LTBP1: variants seen among roughly 807,000 people sequenced by gnomAD.
LTBP1 encodes the protein latent-transforming growth factor beta-binding protein 1.
LTBP1 carries 129 observed loss-of-function variants against 207.6 expected under a neutral mutation model. That is an observed-to-expected ratio of 0.62 (90% CI 0.54 to 0.72). LTBP1 has a LOEUF of 0.72. Among genes scored for constraint, LTBP1 ranks in the 30% least tolerant of loss-of-function variants. The probability of loss-of-function intolerance (pLI) is 0.00; values close to 1 mark genes in which losing one functional copy is unlikely to be tolerated. For synonymous variants in LTBP1, 963 were observed against 833.7 expected, an observed-to-expected ratio of 1.16 and a Z score of -2.67; for missense variants, 2,281 against 2,217.2, an observed-to-expected ratio of 1.03 and a Z score of -0.58.
In LTBP1 at chr2:33,000,306, A is replaced by T. The variant is rs569106074; in HGVS notation, c.566-20603A>T. Among the ~76,000 whole-genome samples, 15 of 134,604 alleles carry T rather than the reference A, an allele frequency of 1.1e-4. 4 individuals are homozygous for T. Among genetic ancestry groups the T allele is most frequent in the African/African-American group, 2.3e-4 (9 of 38,636 alleles). 88.3% of individuals were successfully genotyped at this position (134,604 alleles called of 152,430 possible). A position where few individuals can be genotyped will look rare whatever the true frequency, so the allele number is the denominator to read the frequency against. On this transcript the variant is annotated intron_variant, in intron 2 of 33. Transcript: ENST00000404816. ...TTAAGCCTACCCTTAGAATGACCCT[A>T]TATGGCAGATGCACCTGAATGTGTA...
rs146020065 is a variant in LTBP1 at position 33,252,786 on chromosome 2, T to C, written c.2109T>C (p.Cys703=). The C allele has an allele frequency of 1.8e-5, 29 of 1,613,640 alleles. No homozygotes were observed. Among genetic ancestry groups the C allele is most frequent in the Non-Finnish European group, 2.1e-5 (25 of 1,179,766 alleles). ...TTCACCTCACCAAGCAGCTCTGCTGTTGTAGTGTGGGCAAGGCCTGGGGCC... is the reference window on the plus strand; with the variant it reads ...TTCACCTCACCAAGCAGCTCTGCTGCTGTAGTGTGGGCAAGGCCTGGGGCC... ...LSVHLTKQLC[C]CSVGKAWGPH... is the part of the protein sequence containing the mutation. Residue 703 remains cysteine, a synonymous_variant, in exon 11 of 34, where the codon TGT becomes TGC. Transcript: ENST00000404816.
chr2:33,076,693 C>T (rs759894618), intron 3 of LTBP1, among the ~76,000 whole-genome samples: 4 of 152,024 alleles, frequency 2.6e-5, no homozygotes, highest in East Asian at 1.9e-4. Context: ...CGCACCACCA[C>T]GCCGAGCTAG....
chr2:33,361,123 A>C (rs983646556), intron 27 of LTBP1, among the ~76,000 whole-genome samples: 2 of 152,342 alleles, frequency 1.3e-5, no homozygotes, highest in African/African-American at 4.8e-5. Context: ...CGTGTAATTG[A>C]TTCTTACTAA....
chr2:33,056,586 G>T (rs183967375), intron 3 of LTBP1: 2 of 370,412 alleles, frequency 5.4e-6, no homozygotes, highest in Admixed American at 9.3e-5. Flanking sequence ...GCGGACCCTC[G>T]CAGTGAGTGT....
At chr2:33,372,042 C>CTATATA (rs2150218729) in intron 31 of LTBP1, among the ~76,000 whole-genome samples, 1 of 152,278 alleles carries the variant, frequency 6.6e-6, no homozygotes, top group Admixed American at 6.5e-5. Flanking sequence ...GTACTACCTG[C>CTATATA]AGTTTAAGGC....
intron 5 of LTBP1, among the ~76,000 whole-genome samples, chr2:33,172,432 T>C (rs571591618): frequency 6.6e-6 from 1 of 152,086 alleles, no homozygotes; most frequent in African/African-American, 2.4e-5. Context: ...GGTAAAGGGA[T>C]CAATTCAAAA....
intron 3 of LTBP1, among the ~76,000 whole-genome samples, chr2:33,027,562 C>T (rs187738295): frequency 1.7e-3 from 254 of 152,248 alleles, no homozygotes; most frequent in Non-Finnish European, 2.7e-3. Flanking sequence ...GAAGGCCGGG[C>T]GCAGTAGCTC....
chr2:32,962,596 T>C (rs1201775976), intron 2 of LTBP1, among the ~76,000 whole-genome samples: 1 of 152,230 alleles, frequency 6.6e-6, no homozygotes, highest in African/African-American at 2.4e-5. Context: ...ATACTGAGAT[T>C]ATGTTATTAA....
chr2:33,207,593 G>A (rs571923874), intron 7 of LTBP1, among the ~76,000 whole-genome samples: 1 of 152,274 alleles, frequency 6.6e-6, no homozygotes, highest in East Asian at 1.9e-4. Flanking sequence ...AGAAAATCTG[G>A]AAGTATTTAT....
intron 2 of LTBP1, among the ~76,000 whole-genome samples, chr2:32,992,246 A>G (rs899572408): frequency 1.3e-5 from 2 of 152,208 alleles, no homozygotes; most frequent in African/African-American, 4.8e-5. Context: ...ACAGATTGAT[A>G]CAACAGAGAA....
At chr2:33,165,121 T>G (rs17012623) in intron 5 of LTBP1, among the ~76,000 whole-genome samples, 8,953 of 152,064 alleles carry the variant, frequency 0.059, 390 homozygotes, top group East Asian at 0.21. Flanking sequence ...AAATGGAGAG[T>G]CATAGAAAAA....
At chr2:33,035,102 G>T (rs987964934) in intron 3 of LTBP1, among the ~76,000 whole-genome samples, 1 of 152,094 alleles carries the variant, frequency 6.6e-6, no homozygotes, top group African/African-American at 2.4e-5. Context: ...CCTTGTTGCC[G>T]ATGGATAGGA....
At chr2:32,975,621 T>TTTTTTTTTTTTTTTG (rs1558461916) in intron 2 of LTBP1, among the ~76,000 whole-genome samples, 1 of 87,070 alleles carries the variant, frequency 1.1e-5, no homozygotes, top group African/African-American at 4.1e-5. Flanking sequence ...TTTTTTTTTT[T>TTTTTTTTTTTTTTTG]GTCTGACTGG....
At position 33,217,543 on chromosome 2, in the gene LTBP1, T is replaced by C. The variant is rs1215878692; in HGVS notation, c.1702-9T>C. 1 of 1,602,150 alleles carries C rather than the reference T, an allele frequency of 6.2e-7. No individual in the cohort carries two copies. The highest frequency in any genetic ancestry group is 1.3e-5 in the African/African-American group (1 of 74,828). ...ATTAACCTTCATATTTCACACCTAA[T>C]CATTGCAGTGTGGCAAAGCGCTCCC... On this transcript the variant is annotated splice_polypyrimidine_tract_variant and intron_variant, in intron 7 of 33. Coordinates refer to ENST00000404816, the MANE Select transcript of LTBP1 (RefSeq NM_206943.4).
chr2:33,084,401 T>TG (rs1166660816), intron 3 of LTBP1, among the ~76,000 whole-genome samples: 1 of 152,114 alleles, frequency 6.6e-6, no homozygotes, highest in Non-Finnish European at 1.5e-5. Flanking sequence ...AAGGTGCTGC[T>TG]GGTGGGAGGC....
At chr2:33,169,616 A>T (rs1177954685) in intron 5 of LTBP1, among the ~76,000 whole-genome samples, 1 of 152,240 alleles carries the variant, frequency 6.6e-6, no homozygotes, top group African/African-American at 2.4e-5. Flanking sequence ...AGAACATATA[A>T]TAGAGAATAG....
At chr2:33,390,811 A>G (rs2095308640) in intron 32 of LTBP1, among the ~76,000 whole-genome samples, 1 of 152,004 alleles carries the variant, frequency 6.6e-6, no homozygotes, top group South Asian at 2.1e-4. Flanking sequence ...AAGATAGGTA[A>G]TTGCTGCCGA....
intron 7 of LTBP1, among the ~76,000 whole-genome samples, chr2:33,199,419 C>G (rs1213879010): frequency 6.6e-6 from 1 of 152,066 alleles, no homozygotes; most frequent in Non-Finnish European, 1.5e-5. Flanking sequence ...TGACAAAATT[C>G]AACAACCCTT....
At chr2:33,292,350 C>T (rs1185480475) in intron 19 of LTBP1, among the ~76,000 whole-genome samples, 1 of 152,182 alleles carries the variant, frequency 6.6e-6, no homozygotes, top group Non-Finnish European at 1.5e-5. Flanking sequence ...TTGCCTGTGA[C>T]AGAAACTTAC....
Sources: gnomAD v4.1 joint callset for allele counts (sites outside exome capture counted in the v4.1 genomes callset) on GRCh38, gnomAD v4.1.1 for gene constraint, MANE v1.5 for transcripts, NCBI Gene and HGNC (gene_info 2026-07-23, HGNC 2026-07-21) for gene names.